Variants in DOCK1 observed in about 807,000 individuals in gnomAD.
The protein encoded by DOCK1 is dedicator of cytokinesis protein 1.
DOCK1 carries 138 observed loss-of-function variants against 262.7 expected under a neutral mutation model. That is an observed-to-expected ratio of 0.53 (90% CI 0.46 to 0.61). The LOEUF is 0.61. DOCK1 is among the 20% of genes least tolerant of loss of function. DOCK1 has a pLI of 0.00. For synonymous variants in DOCK1, 866 were observed against 867.4 expected (o/e 1.00, Z 0.03); for missense variants, 1,908 against 2,370.7 (o/e 0.80, Z 4.05).
At chr10:127,407,622 G>A (rs1291450152) in intron 40 of DOCK1, among the ~76,000 whole-genome samples, 1 of 152,108 alleles carries the variant, frequency 6.6e-6, no homozygotes, top group East Asian at 1.9e-4. Flanking sequence ...GTCTTTAGGG[G>A]GTAAGTGTAA....
chr10:127,086,530 A>G (rs1476320778), intron 23 of DOCK1, among the ~76,000 whole-genome samples: 5 of 152,178 alleles, frequency 3.3e-5, no homozygotes, highest in African/African-American at 9.7e-5. Context: ...TTATAAATAA[A>G]CCTTTTAAAA....
intron 8 of DOCK1, 86 bp downstream of exon 8, chr10:126,998,335 G>C: frequency 6.5e-7 from 1 of 1,549,330 alleles, no homozygotes; most frequent in South Asian, 1.2e-5. Flanking sequence ...TCCCATTCAT[G>C]CTGAGAGGCC....
chr10:127,247,832 T>C (rs1429754910), intron 27 of DOCK1, among the ~76,000 whole-genome samples, 176 bp from the exon 28 acceptor site: 1 of 152,204 alleles, frequency 6.6e-6, no homozygotes, highest in Non-Finnish European at 1.5e-5. Context: ...AGGTTGGAAG[T>C]GACCCATGCC....
At chr10:127,193,810 A>G (rs1366844493) in intron 27 of DOCK1, among the ~76,000 whole-genome samples, 1 of 152,206 alleles carries the variant, frequency 6.6e-6, no homozygotes, top group Non-Finnish European at 1.5e-5. Context: ...GCCACAGGGG[A>G]AAACAACTGT....
intron 31 of DOCK1, among the ~76,000 whole-genome samples, chr10:127,351,002 T>A (rs574874888): frequency 6.6e-6 from 1 of 152,242 alleles, no homozygotes; most frequent in East Asian, 1.9e-4. Context: ...GTCAGAGTGG[T>A]CAAGTAAATT....
At chr10:127,439,379 T>G in intron 49 of DOCK1, 154 bp downstream of exon 49, 1 of 741,568 alleles carries the variant, frequency 1.3e-6, no homozygotes, top group Non-Finnish European at 2.2e-6. Flanking sequence ...TAACCTCAAA[T>G]GTCCCAAGGC....
At chr10:127,090,687 A>G (rs1011568590) in intron 23 of DOCK1, among the ~76,000 whole-genome samples, 3 of 152,072 alleles carry the variant, frequency 2.0e-5, no homozygotes, top group Admixed American at 6.6e-5. Flanking sequence ...GGCAACCACG[A>G]ATTTGTTTTC....
At chr10:127,280,855 A>G (rs992522528) in intron 29 of DOCK1, among the ~76,000 whole-genome samples, 3 of 152,240 alleles carry the variant, frequency 2.0e-5, no homozygotes, top group Admixed American at 6.5e-5. Flanking sequence ...CGCTAAGAAC[A>G]TCGGAATATT....
At chr10:127,003,964 C>CA (rs1158031870) in intron 10 of DOCK1, among the ~76,000 whole-genome samples, 20 of 150,394 alleles carry the variant, frequency 1.3e-4, no homozygotes, top group South Asian at 4.3e-4. Context: ...CCCTCCCCCC[C>CA]AAAAAAAAGG....
At chr10:127,201,421 C>T (rs1170764111) in intron 27 of DOCK1, among the ~76,000 whole-genome samples, 2 of 152,174 alleles carry the variant, frequency 1.3e-5, no homozygotes, top group Non-Finnish European at 2.9e-5. Context: ...CTTTCTTTTC[C>T]TTTCATGGTA....
chr10:127,402,313 G>T (rs1446401230), intron 38 of DOCK1, among the ~76,000 whole-genome samples: 1 of 152,084 alleles, frequency 6.6e-6, no homozygotes, highest in East Asian at 1.9e-4. Flanking sequence ...GGAAGAGGTG[G>T]TTCCTCTTAC....
At chr10:127,147,885 G>A (rs543986098) in intron 27 of DOCK1, among the ~76,000 whole-genome samples, 4 of 151,656 alleles carry the variant, frequency 2.6e-5, no homozygotes, top group Non-Finnish European at 4.4e-5. Flanking sequence ...ACAAAAATTA[G>A]CCAGGATTGG....
At chr10:126,932,163 A>G (rs1436827039) in intron 1 of DOCK1, among the ~76,000 whole-genome samples, 1 of 152,172 alleles carries the variant, frequency 6.6e-6, no homozygotes, top group African/African-American at 2.4e-5. Context: ...CCTAGCATTG[A>G]AGGAACCTCC....
chr10:127,068,214 C>G (rs2045987363), intron 23 of DOCK1, among the ~76,000 whole-genome samples: 1 of 152,194 alleles, frequency 6.6e-6, no homozygotes, highest in South Asian at 2.1e-4. Flanking sequence ...ACCCAGAATT[C>G]TTCCTTATGA....
chr10:127,411,274 C>T (rs564143534), intron 43 of DOCK1, among the ~76,000 whole-genome samples: 59 of 152,168 alleles, frequency 3.9e-4, no homozygotes, highest in African/African-American at 1.4e-3. Context: ...TGCTGAGGTG[C>T]GGGGTGCTGA....
At chr10:127,170,276 G>A (rs1182461919) in intron 27 of DOCK1, among the ~76,000 whole-genome samples, 1 of 152,082 alleles carries the variant, frequency 6.6e-6, no homozygotes. Flanking sequence ...AAGCCCCGAA[G>A]CCTCAGGGTC....
At chr10:127,285,638 G>T (rs922783821) in intron 29 of DOCK1, among the ~76,000 whole-genome samples, 2 of 152,230 alleles carry the variant, frequency 1.3e-5, no homozygotes, top group Admixed American at 1.3e-4. Context: ...TGTCCAGAGA[G>T]TGAGGCATGC....
intron 25 of DOCK1, among the ~76,000 whole-genome samples, chr10:127,116,081 T>G (rs1446296097): frequency 1.3e-5 from 2 of 152,250 alleles, no homozygotes; most frequent in Non-Finnish European, 2.9e-5. Flanking sequence ...ATAGATTGCT[T>G]TTCTGTAAGC....
intron 29 of DOCK1, among the ~76,000 whole-genome samples, chr10:127,299,394 G>A (rs907837881): frequency 7.2e-5 from 11 of 152,210 alleles, no homozygotes; most frequent in East Asian, 1.9e-4. Flanking sequence ...GTGAGCCGCC[G>A]CGCCCGGCCA....
Sources: allele counts gnomAD v4.1 joint callset (sites outside exome capture counted in the v4.1 genomes callset), GRCh38; gene constraint gnomAD v4.1.1; transcripts MANE v1.5; gene names NCBI Gene and HGNC (gene_info 2026-07-23, HGNC 2026-07-21).